Variants in TPO observed in about 807,000 individuals in gnomAD.
TPO encodes the protein thyroid peroxidase, also known as thyroid microsomal antigen.
TPO carries 78 observed loss-of-function variants against 96.9 expected under a neutral mutation model. The ratio of observed to expected loss-of-function variants is 0.81; its 90% CI spans 0.67 to 0.97. The LOEUF is 0.97. Among genes scored for constraint, TPO ranks in the 50% least tolerant of loss-of-function variants. TPO has a pLI of 0.00. For synonymous variants in TPO, 547 were observed against 538.0 expected (o/e 1.02, Z -0.23); for missense variants, 1,252 against 1,274.8 (o/e 0.98, Z 0.27).
At chr2:1,443,204 G>A (rs11676827) in intron 5 of TPO, among the ~76,000 whole-genome samples, 57,423 of 152,010 alleles carry the variant, frequency 0.38, 11,097 homozygotes, top group Admixed American at 0.42. Flanking sequence ...AGGCAATGCC[G>A]CAGGAGGTAC....
At chr2:1,427,757 C>T (rs1377371657) in intron 3 of TPO, among the ~76,000 whole-genome samples, 1 of 152,204 alleles carries the variant, frequency 6.6e-6, no homozygotes, top group Non-Finnish European at 1.5e-5. Context: ...TCTGTCTGGG[C>T]TCACACTCCT....
Position 1,433,501 on chromosome 2 carries a change from G to T in TPO, c.243G>T (p.Glu81Asp), listed in dbSNP as rs773394485. The T allele has an allele frequency of 2.5e-6, 4 of 1,614,174 alleles. No homozygotes were observed. In the South Asian group the frequency reaches 4.4e-5, roughly 18 times the overall value. Residue 81 changes from glutamate to aspartate, a missense_variant, in exon 4 of 17, where the codon GAG becomes GAT. Glu to Asp is a conservative substitution (Grantham distance 45). Transcript: ENST00000329066. Reference protein sequence around the residue: ...AQLLSFSKLPEPTSGVIARAA... With the variant: ...AQLLSFSKLPDPTSGVIARAA... ...TTCTGTCTTTTTCCAAACTTCCTGA[G>T]CCAACAAGCGGAGTGATTGCCCGAG...
chr2:1,438,824 A>C (rs1181006329), intron 5 of TPO: 1 of 716,526 alleles, frequency 1.4e-6, no homozygotes, highest in Non-Finnish European at 2.6e-6. Flanking sequence ...AGAAAAATGA[A>C]ATATAAGCCC....
chr2:1,430,964 T>C (rs1664917472), intron 3 of TPO, among the ~76,000 whole-genome samples: 2 of 152,300 alleles, frequency 1.3e-5, no homozygotes, highest in South Asian at 4.2e-4. Flanking sequence ...GGATTTTGAG[T>C]TAATGCCAGA....
At chr2:1,515,583 C>T (rs1297179477) in intron 14 of TPO, among the ~76,000 whole-genome samples, 1 of 152,158 alleles carries the variant, frequency 6.6e-6, no homozygotes, top group African/African-American at 2.4e-5. Context: ...AGGAAGACAG[C>T]CACGGACACC....
chr2:1,523,785 C>CA, intron 15 of TPO, among the ~76,000 whole-genome samples: 1 of 132,328 alleles, frequency 7.6e-6, no homozygotes, highest in South Asian at 2.7e-4. Flanking sequence ...TCTTCTAATC[C>CA]CCTCACTGTG....
chr2:1,422,418 G>A (rs935375201), intron 2 of TPO, among the ~76,000 whole-genome samples: 1 of 40,928 alleles, frequency 2.4e-5, no homozygotes, highest in Admixed American at 3.0e-4. Context: ...GCGAGAGCCT[G>A]GTGTGCCCCT....
At chr2:1,522,938 G>T (rs1675500624) in intron 15 of TPO, among the ~76,000 whole-genome samples, 1 of 132,934 alleles carries the variant, frequency 7.5e-6, no homozygotes, top group Non-Finnish European at 1.6e-5. Context: ...CCTCCACTCT[G>T]TGTAACCTCC....
chr2:1,427,841 G>A (rs184561355), intron 3 of TPO, among the ~76,000 whole-genome samples: 3 of 152,230 alleles, frequency 2.0e-5, no homozygotes, highest in East Asian at 1.9e-4. Context: ...GAGTTCCAGG[G>A]TGTATTCAGC....
At position 1,540,448 on chromosome 2, in the gene TPO, TGACTGAAGTGTGAAATGAAAGTG is replaced by T; in HGVS notation, c.2619-144_2619-122del. ...AAAATATATCAGATTATGATCGACT[TGACTGAAGTGTGAAATGAAAGTG>T]GGTTGGAGTGTTCCTGCCAAAGACA... On this transcript the variant is annotated intron_variant, in intron 15 of 16. Transcript: ENST00000329066. 7.6e-6 allele frequency: 12 copies of T among 1,572,036 alleles called. No individual in the cohort carries two copies. In the South Asian group the frequency reaches 1.3e-4, roughly 18 times the overall value.
intron 2 of TPO, among the ~76,000 whole-genome samples, chr2:1,418,049 G>C (rs13035669): frequency 4.0e-5 from 6 of 151,842 alleles, no homozygotes; most frequent in Non-Finnish European, 7.4e-5. Flanking sequence ...TTGGGAGGCC[G>C]AGGCGGGAAG....
intron 1 of TPO, among the ~76,000 whole-genome samples, chr2:1,407,783 C>A (rs578012949): frequency 6.6e-6 from 1 of 152,198 alleles, no homozygotes. Flanking sequence ...AATCATGCAA[C>A]CTTCTTTTTG....
intron 13 of TPO, among the ~76,000 whole-genome samples, chr2:1,498,304 C>T (rs914493659): frequency 5.3e-5 from 8 of 152,332 alleles, no homozygotes; most frequent in East Asian, 1.9e-4. Flanking sequence ...GTGCGGCTCC[C>T]GCCAAGTCTG....
chr2:1,534,737 C>A (rs1233435008), intron 15 of TPO, among the ~76,000 whole-genome samples: 8 of 149,964 alleles, frequency 5.3e-5, no homozygotes, highest in African/African-American at 1.5e-4. Context: ...CTAGTGTGTG[C>A]AACCTCCTCA....
chr2:1,528,606 C>A (rs1677186375), intron 15 of TPO, among the ~76,000 whole-genome samples: 1 of 148,042 alleles, frequency 6.8e-6, no homozygotes, highest in Non-Finnish European at 1.5e-5. Context: ...AAATCTACCC[C>A]AGTCTGTGAA....
intron 1 of TPO, among the ~76,000 whole-genome samples, chr2:1,390,611 T>A (rs1661985403): frequency 6.6e-6 from 1 of 152,222 alleles, no homozygotes; most frequent in South Asian, 2.1e-4. Flanking sequence ...CCACACTGTC[T>A]TCCACAATGG....
intron 15 of TPO, 65 bp from the exon 16 acceptor site, chr2:1,540,529 C>G: frequency 1.2e-6 from 2 of 1,605,092 alleles, no homozygotes; most frequent in Non-Finnish European, 1.7e-6. Context: ...TCGTGCCGTG[C>G]TCTCTACCCT....
chr2:1,503,139 T>C lies in TPO; in HGVS notation c.2387-809T>C, dbSNP rs189804939. 4.1e-3 allele frequency among the ~76,000 whole-genome samples: 621 copies of C among 152,278 alleles called. 6 individuals carry two copies. The highest frequency in any genetic ancestry group is 0.014 in the African/African-American group (594 of 41,566). On this transcript the variant is annotated intron_variant, in intron 13 of 16. Transcript: ENST00000329066. The stretch of plus-strand genomic sequence containing the variant: ...AGGGTCCCTCCACCTCTCCCAGTGC[T>C]TTTGCTCTGTCTAGGGATGTCGTCA...
At chr2:1,408,561 A>G (rs758952365), upstream of TPO, among the ~76,000 whole-genome samples, 16 of 152,184 alleles carry the variant, frequency 1.1e-4, no homozygotes, top group Non-Finnish European at 2.2e-4. Context: ...GGAAACTGAA[A>G]CGCAAAAAAG....
Sources: gnomAD v4.1 joint callset for allele counts (sites outside exome capture counted in the v4.1 genomes callset) on GRCh38, gnomAD v4.1.1 for gene constraint, MANE v1.5 for transcripts, NCBI Gene and HGNC (gene_info 2026-07-23, HGNC 2026-07-21) for gene names.